THBS1: variants seen among roughly 807,000 people sequenced by gnomAD.
THBS1 encodes thrombospondin-1.
Under a neutral mutation model 126.1 loss-of-function variants are expected in THBS1, and 29 were observed. The ratio of observed to expected loss-of-function variants is 0.23; its 90% CI spans 0.17 to 0.31. THBS1 has a LOEUF of 0.31. Among genes scored for constraint, THBS1 ranks in the 10% least tolerant of loss-of-function variants. The probability of loss-of-function intolerance (pLI) is 1.00; values close to 1 mark genes in which losing one functional copy is unlikely to be tolerated. For missense variants in THBS1, 1,198 were observed against 1,545.2 expected (o/e 0.78, Z 3.77); for synonymous variants, 496 against 577.8 (o/e 0.86, Z 2.03).
chr15:39,590,721 A>G, intron 14 of THBS1, 98 bp downstream of exon 14: 1 of 878,144 alleles, frequency 1.1e-6, no homozygotes, highest in Non-Finnish European at 1.8e-6. Context: ...AGCAAAAAAT[A>G]TACCAAATCA....
At position 39,584,829 on chromosome 15, in the gene THBS1, G is replaced by A. The variant is rs1224956096; in HGVS notation, c.1026+407G>A. Among the ~76,000 whole-genome samples the A allele has an allele frequency of 3.9e-5, 6 of 152,086 alleles. No homozygotes were observed. The East Asian group carries it at 1.2e-3, about 29-fold the overall frequency. The stretch of plus-strand genomic sequence containing the variant: ...AATTGTTTTTCAAATCACTTAGTCT[G>A]ACACTGTTAGGATGTTACTGTCTGC... On this transcript the variant is annotated intron_variant, in intron 6 of 21. Transcript: ENST00000260356.
In THBS1 at chr15:39,598,972, A is replaced by G. The variant is rs2140355423; in HGVS notation, c.*3603A>G. On this transcript the variant is annotated 3_prime_UTR_variant, in exon 22 of 22. Transcript: ENST00000260356. Reference sequence around the variant, plus strand: ...AGTCTTGCTCTGTCGCCCAGGCTGGAGTGCAGTGACACAATCTCGGCTCAC... The same window carrying G: ...AGTCTTGCTCTGTCGCCCAGGCTGGGGTGCAGTGACACAATCTCGGCTCAC... 6.6e-6 allele frequency: 1 copy of G among 152,024 alleles called. No individual in the cohort carries two copies. The highest frequency in any genetic ancestry group is 6.5e-5 in the Admixed American group (1 of 15,268). 9.4% of individuals were successfully genotyped at this position (152,024 alleles called of 1,614,324 possible).
intron 7 of THBS1, among the ~76,000 whole-genome samples, chr15:39,585,965 G>A (rs1232365951): frequency 6.6e-6 from 1 of 152,140 alleles, no homozygotes; most frequent in Non-Finnish European, 1.5e-5. Flanking sequence ...TGGCCTGATC[G>A]GGCCTGGAAG....
At chr15:39,582,968 G>T (rs760203436) in intron 3 of THBS1, among the ~76,000 whole-genome samples, 70 of 152,332 alleles carry the variant, frequency 4.6e-4, no homozygotes, top group Non-Finnish European at 9.0e-4. Context: ...ACAAGTACCA[G>T]GTGATGCTGA....
rs1890420590 is a variant in THBS1, at chr15:39,595,537, C to G, written c.*168C>G. ...ACGTGCGACCTGCCTCAAGAAAATGCAGTTTTCAAAAACAGACTCAGCATT... is the reference window on the plus strand; with the variant it reads ...ACGTGCGACCTGCCTCAAGAAAATGGAGTTTTCAAAAACAGACTCAGCATT... On this transcript the variant is annotated 3_prime_UTR_variant, in exon 22 of 22. Coordinates refer to ENST00000260356, the MANE Select transcript of THBS1 (RefSeq NM_003246.4). 4 of 847,602 alleles carry G rather than the reference C, an allele frequency of 4.7e-6. No individual in the cohort carries two copies. Among genetic ancestry groups the G allele is most frequent in the Non-Finnish European group, 7.2e-6 (4 of 555,264 alleles). 52.5% of individuals were successfully genotyped at this position (847,602 alleles called of 1,614,324 possible). A position where few individuals can be genotyped will look rare whatever the true frequency, so the allele number is the denominator to read the frequency against.
At position 39,587,385 on chromosome 15, in the gene THBS1, G is replaced by A. The variant is rs528730045; in HGVS notation, c.1159G>A (p.Glu387Lys). 86 of 1,613,876 alleles carry A rather than the reference G, an allele frequency of 5.3e-5. No homozygotes were observed. The highest frequency in any genetic ancestry group is 8.0e-5 in the African/African-American group (6 of 75,056). The change falls in exon 8 of 22, where the codon GAG becomes AAG. Residue 387 changes from glutamate to lysine, a missense_variant. Physicochemically the swap from Glu to Lys is moderately conservative, Grantham distance 56 (BLOSUM62 1). Transcript: ENST00000260356. ...GGACGATGGCTGGTCTCCATGGTCC[G>A]AGTGGACCTCCTGTTCTACGAGCTG... ...SADDGWSPWS[E>K]WTSCSTSCGN...
Position 39,589,372 on chromosome 15 carries a change from A to G in THBS1, c.1926+18A>G. The G allele has an allele frequency of 6.2e-7, 1 of 1,613,582 alleles. No homozygotes were observed. The highest frequency in any genetic ancestry group is 8.5e-7 in the Non-Finnish European group (1 of 1,179,914). ...ACAAACAGGTACAGTCAACTAGACG[A>G]GTAAACCAGAGGACAGGAGAGCTGT... On this transcript the variant is annotated intron_variant, in intron 12 of 21. Coordinates refer to ENST00000260356, the MANE Select transcript of THBS1 (RefSeq NM_003246.4). This position sits in a 1 kb window ranked among gnomAD's most constrained non-coding sequence, Gnocchi z 4.7.
At chr15:39,587,280 C>CAG (rs1162351414) in intron 7 of THBS1, 67 bp from the exon 8 acceptor site, 2 of 1,527,572 alleles carry the variant, frequency 1.3e-6, no homozygotes, top group Non-Finnish European at 1.8e-6. Flanking sequence ...GGGCCCTGAA[C>CAG]AGAGCCCTCT....
At chr15:39,590,681 CTT>C (rs1249239063) in intron 14 of THBS1, 58 bp downstream of exon 14, 3 of 1,428,240 alleles carry the variant, frequency 2.1e-6, no homozygotes, top group Non-Finnish European at 2.9e-6. Context: ...GCCTGAAACA[CTT>C]TGGGATTCAA....
At position 39,584,179 on chromosome 15, in the gene THBS1, C is replaced by A; in HGVS notation, c.895C>A (p.Arg299Ser). The change falls in exon 5 of 22, where the codon CGC (arginine) becomes AGC (serine). Residue 299 changes from arginine (R) to serine (S), a missense_variant. This residue lies in a region of THBS1 where 663 missense variants were observed against 860.1 expected (regional missense o/e 0.77). Transcript: ENST00000260356. ...TGTGACCACGCTGCAGGACAGCATC[C>A]GCAAAGTGGTCAGTGGCCTCTGCAC... ...TIVTTLQDSI[R>S]KVTEENKELA... 6.2e-7 allele frequency: 1 copy of A among 1,614,022 alleles called. No individual in the cohort carries two copies.
chr15:39,589,219 T>G lies in THBS1; in HGVS notation c.1791T>G (p.Asp597Glu). ...CTCCATAGTGCAAAGAAGTGCCTGA[T>G]GCCTGCTTCAACCACAATGGAGAGC... ...TDVDECKEVP[D>E]ACFNHNGEHR... The change falls in exon 12 of 22, where the codon GAT becomes GAG. Residue 597 changes from aspartate (D) to glutamate (E), a missense_variant. By Grantham distance (45) the Asp-to-Glu change is conservative. Transcript: ENST00000260356. This position sits in a 1 kb window ranked among gnomAD's most constrained non-coding sequence, Gnocchi z 4.7. 2 of 1,614,188 alleles carry G rather than the reference T, an allele frequency of 1.2e-6. No individual in the cohort carries two copies. The highest frequency in any genetic ancestry group is 2.2e-5 in the South Asian group (2 of 91,080).
Position 39,588,943 on chromosome 15 carries a change from T to C in THBS1, c.1646-16T>C, listed in dbSNP as rs1217297148. 6.2e-7 allele frequency: 1 copy of C among 1,614,176 alleles called. No homozygotes were observed. The highest frequency in any genetic ancestry group is 1.7e-5 in the Admixed American group (1 of 60,020). On this transcript the variant is annotated splice_polypyrimidine_tract_variant and intron_variant, in intron 10 of 21. Transcript: ENST00000260356. ...ACCAACCATTTACTGTGACTGTCTC[T>C]CTCTCCTTGTCTCAGATGGATGCCT... is the stretch of plus-strand genomic sequence containing the variant.
intron 1 of THBS1, 80 bp from the exon 2 acceptor site, chr15:39,581,749 A>G (rs1890110926): frequency 1.2e-6 from 1 of 847,264 alleles, no homozygotes; most frequent in African/African-American, 1.7e-5. Context: ...CCCTGTCCCC[A>G]TGCCCAGCCC....
In THBS1 at chr15:39,581,898, A is replaced by G; in HGVS notation, c.41A>G (p.His14Arg). 1 of 1,614,016 alleles carries G rather than the reference A, an allele frequency of 6.2e-7. No homozygotes were observed. The highest frequency in any genetic ancestry group is 8.5e-7 in the Non-Finnish European group (1 of 1,179,986). The change falls in exon 2 of 22, where the codon CAT (histidine) becomes CGT (arginine). Residue 14 changes from histidine (H) to arginine (R), a missense_variant. Coordinates refer to ENST00000260356, the MANE Select transcript of THBS1 (RefSeq NM_003246.4). ...GGACTAGGCGTCCTGTTCCTGATGC[A>G]TGTGTGTGGCACCAACCGCATTCCA... Reference protein sequence around the residue: ...AWGLGVLFLMHVCGTNRIPES... With the variant: ...AWGLGVLFLMRVCGTNRIPES...
rs1566838229 is a variant in THBS1 at position 39,582,456 on chromosome 15, GACC to G, written c.334_336del (p.His112del). 1 of 1,614,160 alleles carries G rather than the reference GACC, an allele frequency of 6.2e-7. No individual in the cohort carries two copies. The highest frequency in any genetic ancestry group is 8.5e-7 in the Non-Finnish European group (1 of 1,180,014). Reference sequence around the variant, plus strand: ...CACGCTGCTGGCCCTGGAGCGGAAAGACCACTCTGGCCAGGTCTTCAGCGTGGT... The same window carrying G: ...CACGCTGCTGGCCCTGGAGCGGAAAGACTCTGGCCAGGTCTTCAGCGTGGT... On this transcript the variant is annotated inframe_deletion, in exon 3 of 22. Transcript: ENST00000260356.
rs1240923580 is a variant in THBS1, at chr15:39,581,668, C to T, written c.-29-161C>T. On this transcript the variant is annotated intron_variant, in intron 1 of 21. Transcript: ENST00000260356. The stretch of plus-strand genomic sequence containing the variant: ...TCTCTCTCTCTCTCTCTCTCTCTCT[C>T]ATGCTCTCTGGAAAGTAATCCTGTT... 5.7e-6 allele frequency: 3 copies of T among 522,448 alleles called. No individual in the cohort carries two copies. The African/African-American group carries it at 5.8e-5, about 10-fold the overall frequency. 32.4% of individuals were successfully genotyped at this position (522,448 alleles called of 1,614,324 possible).
At chr15:39,583,845 C>CACACACGTAT (rs1433999708) in intron 4 of THBS1, 143 bp from the exon 5 acceptor site, 1 of 1,178,136 alleles carries the variant, frequency 8.5e-7, no homozygotes, top group East Asian at 2.5e-5. Context: ...GTATTATACA[C>CACACACGTAT]ACACACGTAT....
chr15:39,590,414 T>C (rs1282205664), intron 13 of THBS1, 102 bp from the exon 14 acceptor site: 12 of 938,044 alleles, frequency 1.3e-5, no homozygotes, highest in South Asian at 1.8e-5. Context: ...CTGAGCCAAA[T>C]TCTGTTCTTT....
chr15:39,582,283 A>T lies in THBS1; in HGVS notation c.158A>T (p.Asp53Val). ...GSGRRLVKGP[D>V]PSSPAFRIED... ...GGGCGCCGACTGGTGAAGGGCCCCG[A>T]CCCTTCCAGCCCAGCTTTCCGCATC... The change falls in exon 3 of 22, where the codon GAC becomes GTC. Residue 53 changes from aspartate (D) to valine (V), a missense_variant. By Grantham distance (152) the Asp-to-Val change is radical. This residue lies in a region of THBS1 where 271 missense variants were observed against 277.0 expected (regional missense o/e 0.98). Coordinates refer to ENST00000260356, the MANE Select transcript of THBS1 (RefSeq NM_003246.4). The T allele has an allele frequency of 6.2e-7, 1 of 1,613,896 alleles. No homozygotes were observed.
Sources: allele counts gnomAD v4.1 joint callset (sites outside exome capture counted in the v4.1 genomes callset), GRCh38; gene constraint gnomAD v4.1.1; regional missense constraint gnomAD v4.1.1; non-coding constraint Gnocchi (gnomAD v3.1); transcripts MANE v1.5; gene names NCBI Gene and HGNC (gene_info 2026-07-23, HGNC 2026-07-21).